Variants in B3GALT1 observed in about 807,000 individuals in gnomAD.
B3GALT1 encodes the protein beta-1,3-galactosyltransferase 1.
In B3GALT1, 10 loss-of-function variants were observed where a neutral mutation model predicts 23.2. The observed-to-expected ratio is 0.43, with a 90% CI of 0.27 to 0.73. The LOEUF (loss-of-function observed/expected upper bound fraction) is 0.73. Ranked by LOEUF, B3GALT1 falls within the 30% of genes least tolerant of loss-of-function variation. The probability of loss-of-function intolerance (pLI) is 0.21; values close to 1 mark genes in which losing one functional copy is unlikely to be tolerated. For synonymous variants in B3GALT1, 156 were observed against 141.5 expected (o/e 1.10, Z -0.73); for missense variants, 299 against 405.4 (o/e 0.74, Z 2.25).
intron 1 of B3GALT1, among the ~76,000 whole-genome samples, chr2:167,465,850 T>C (rs1237940340): frequency 6.6e-6 from 1 of 152,146 alleles, no homozygotes; most frequent in East Asian, 1.9e-4. Context: ...AGTGGACAAT[T>C]TGAGGAAGAT....
chr2:167,583,996 G>A (rs1213464610), intron 2 of B3GALT1, among the ~76,000 whole-genome samples: 2 of 125,776 alleles, frequency 1.6e-5, no homozygotes, highest in East Asian at 5.7e-4. Context: ...GCATTGGAGA[G>A]TAATTCAAGA....
chr2:167,631,315 A>G (rs944266203), intron 2 of B3GALT1, among the ~76,000 whole-genome samples: 7 of 151,852 alleles, frequency 4.6e-5, no homozygotes, highest in African/African-American at 1.2e-4. Context: ...AAACACCTGG[A>G]GAAGAGAAAA....
At chr2:167,452,883 A>AG (rs1699110517) in intron 1 of B3GALT1, among the ~76,000 whole-genome samples, 1 of 152,202 alleles carries the variant, frequency 6.6e-6, no homozygotes, top group African/African-American at 2.4e-5. Context: ...AGTCACCTGT[A>AG]GAGTGTCATT....
intron 3 of B3GALT1, among the ~76,000 whole-genome samples, chr2:167,803,030 G>T (rs894278510): frequency 1.3e-5 from 2 of 151,260 alleles, no homozygotes; most frequent in African/African-American, 2.4e-5. Flanking sequence ...GAGGTAACTT[G>T]AGGAAATTAA....
chr2:167,409,713 G>C (rs1349325787), intron 1 of B3GALT1, among the ~76,000 whole-genome samples: 1 of 151,676 alleles, frequency 6.6e-6, no homozygotes, highest in Admixed American at 6.6e-5. Context: ...CTTTAGCACA[G>C]AGTTGTTTGT....
chr2:167,788,804 G>A (rs1355855737), intron 3 of B3GALT1, among the ~76,000 whole-genome samples: 2 of 152,114 alleles, frequency 1.3e-5, no homozygotes, highest in African/African-American at 4.8e-5. Flanking sequence ...GAAAATTTAT[G>A]GGATGAACCT....
intron 3 of B3GALT1, among the ~76,000 whole-genome samples, chr2:167,672,676 G>T (rs1352096345): frequency 1.3e-5 from 2 of 152,076 alleles, no homozygotes; most frequent in Non-Finnish European, 2.9e-5. Flanking sequence ...TACCTTTAGG[G>T]TTGTAATAAG....
chr2:167,544,120 G>A lies in B3GALT1; in HGVS notation c.-410+53843G>A, dbSNP rs190809931. Among the ~76,000 whole-genome samples the A allele has an allele frequency of 4.6e-5, 7 of 152,266 alleles. No individual in the cohort carries two copies. The East Asian group carries it at 1.4e-3, about 29-fold the overall frequency. On this transcript the variant is annotated intron_variant, in intron 2 of 4. Coordinates refer to ENST00000392690, the MANE Select transcript of B3GALT1 (RefSeq NM_020981.4). Reference sequence around the variant, plus strand: ...CCCAGAATACATGCGTCCCCCAGAAGAAATCTGCTTAGAGCTCAATGGTCA... The same window carrying A: ...CCCAGAATACATGCGTCCCCCAGAAAAAATCTGCTTAGAGCTCAATGGTCA...
In B3GALT1 at chr2:167,416,846, T is replaced by C. The variant is rs1043389633; in HGVS notation, c.-510-73331T>C. ...CTTTAAGATTTCATGTTTATCTTTC[T>C]GGGTTTCAGATTAGCTTGCGGCCTG... On this transcript the variant is annotated intron_variant, in intron 1 of 4. Transcript: ENST00000392690. Among the ~76,000 whole-genome samples, 6 of 152,348 alleles carry C rather than the reference T, an allele frequency of 3.9e-5. No homozygotes were observed. The East Asian group carries it at 1.2e-3, about 29-fold the overall frequency.
intron 3 of B3GALT1, among the ~76,000 whole-genome samples, chr2:167,689,489 G>A (rs759301936): frequency 6.6e-6 from 1 of 152,152 alleles, no homozygotes; most frequent in Non-Finnish European, 1.5e-5. Flanking sequence ...AACATGGCAA[G>A]CAAAGATACC....
At chr2:167,568,496 C>T (rs959435738) in intron 2 of B3GALT1, among the ~76,000 whole-genome samples, 2 of 152,098 alleles carry the variant, frequency 1.3e-5, no homozygotes, top group Non-Finnish European at 2.9e-5. Context: ...TGATGTGGAG[C>T]ATCTTTTCAT....
At position 167,441,019 on chromosome 2, in the gene B3GALT1, T is replaced by A. The variant is rs76552378; in HGVS notation, c.-510-49158T>A. On this transcript the variant is annotated intron_variant, in intron 1 of 4. Coordinates refer to ENST00000392690, the MANE Select transcript of B3GALT1 (RefSeq NM_020981.4). ...TTATAAAGAATAGAGTCTAGATTGATCTGTACTAGTTGCTAGACTGGGTTT... is the reference window on the plus strand; with the variant it reads ...TTATAAAGAATAGAGTCTAGATTGAACTGTACTAGTTGCTAGACTGGGTTT... Among the ~76,000 whole-genome samples the A allele has an allele frequency of 1.8e-4, 28 of 152,366 alleles. No individual in the cohort carries two copies. The East Asian group carries it at 5.0e-3, about 27-fold the overall frequency.
intron 3 of B3GALT1, among the ~76,000 whole-genome samples, chr2:167,678,139 T>C (rs1317606457): frequency 6.6e-6 from 1 of 152,224 alleles, no homozygotes; most frequent in Non-Finnish European, 1.5e-5. Flanking sequence ...ATCTGCTCTC[T>C]GGGATGTTTT....
chr2:167,585,820 T>A, intron 2 of B3GALT1, among the ~76,000 whole-genome samples: 1 of 152,112 alleles, frequency 6.6e-6, no homozygotes, highest in Non-Finnish European at 1.5e-5. Flanking sequence ...ACCTAGAAAA[T>A]TTAGGAATAA....
chr2:167,839,961 A>C lies in B3GALT1; in HGVS notation c.-230+21168A>C, dbSNP rs1321481316. Among the ~76,000 whole-genome samples the C allele has an allele frequency of 3.3e-5, 5 of 152,036 alleles. No homozygotes were observed. In the South Asian group the frequency reaches 6.2e-4, roughly 19 times the overall value. ...CCCTATTTAATAAATGGTGCTGGGA[A>C]AACTGGCTAGCCATATGTAGAAAGC... On this transcript the variant is annotated intron_variant, in intron 4 of 4. Transcript: ENST00000392690.
intron 1 of B3GALT1, among the ~76,000 whole-genome samples, chr2:167,346,318 T>C (rs1231265211): frequency 6.6e-6 from 1 of 152,172 alleles, no homozygotes; most frequent in African/African-American, 2.4e-5. Context: ...ATAAATGTTT[T>C]AATTTACTTA....
intron 2 of B3GALT1, among the ~76,000 whole-genome samples, chr2:167,577,927 C>T (rs1684412936): frequency 1.3e-5 from 2 of 151,678 alleles, no homozygotes. Flanking sequence ...AAACTCTGCC[C>T]CTGTAGTCCT....
intron 1 of B3GALT1, among the ~76,000 whole-genome samples, chr2:167,480,388 A>G (rs1459383031): frequency 6.6e-6 from 1 of 152,228 alleles, no homozygotes; most frequent in Non-Finnish European, 1.5e-5. Context: ...CGAGGCTAGA[A>G]GCAAAATGGA....
At chr2:167,830,447 T>C (rs1276070714) in intron 4 of B3GALT1, among the ~76,000 whole-genome samples, 15 of 152,088 alleles carry the variant, frequency 9.9e-5, no homozygotes, top group Non-Finnish European at 4.4e-5. Flanking sequence ...AGTGAAATGC[T>C]TTCAGGCTTT....
Sources: gnomAD v4.1 joint callset for allele counts (sites outside exome capture counted in the v4.1 genomes callset) on GRCh38, gnomAD v4.1.1 for gene constraint, MANE v1.5 for transcripts, NCBI Gene and HGNC (gene_info 2026-07-23, HGNC 2026-07-21) for gene names.